Variants in GDPD3 observed in about 807,000 individuals in gnomAD.
GDPD3 encodes lysophospholipase D GDPD3.
Under a neutral mutation model 43.7 loss-of-function variants are expected in GDPD3, and 40 were observed. That is an observed-to-expected ratio of 0.91 (90% CI 0.71 to 1.19). The LOEUF is 1.19. Ranked by LOEUF, GDPD3 falls within the 50% of genes most tolerant of loss-of-function variation. The pLI is 0.00. For missense variants in GDPD3, 363 were observed against 415.8 expected, an observed-to-expected ratio of 0.87 and a Z score of 1.11; for synonymous variants, 145 against 162.9, an observed-to-expected ratio of 0.89 and a Z score of 0.84.
In GDPD3 at chr16:30,104,872, T is replaced by G. The variant is rs745914062; in HGVS notation, c.957A>C (p.Ter319TyrextTer?). 4.3e-6 allele frequency: 7 copies of G among 1,612,314 alleles called. No individual in the cohort carries two copies. The highest frequency in any genetic ancestry group is 5.9e-6 in the Non-Finnish European group (7 of 1,179,954). ...DNHGPAARTS[*>Y] is the part of the protein sequence containing the mutation. ...ACAGGAGACCTCGAGGCTTCTGGAC[T>G]TAGGAGGTCCGGGCAGCTGGTCCAT... Residue 319 changes from the stop codon to tyrosine (Y), a stop_lost, in exon 10 of 10, where the codon TAA becomes TAC. Transcript: ENST00000406256.
At chr16:30,109,209 G>A (rs570840030) in intron 7 of GDPD3, among the ~76,000 whole-genome samples, 6 of 152,248 alleles carry the variant, frequency 3.9e-5, no homozygotes, top group Middle Eastern at 3.4e-3. Context: ...CAATCCTCCC[G>A]CTTCAGCCTC....
At chr16:30,107,192 G>A (rs558121372) in intron 9 of GDPD3, among the ~76,000 whole-genome samples, 10 of 152,188 alleles carry the variant, frequency 6.6e-5, no homozygotes, top group South Asian at 2.1e-4. Flanking sequence ...CTGCACCCTC[G>A]AAACCCCGTG....
rs2072921257 is a variant in GDPD3, at chr16:30,113,444, AG to A, written c.34del (p.Leu12TrpfsTer65). ...GATGGAGAGCATGGCATAGCTGCCC[AG>A]GGCAGGGAGGGCATAGTACAGCAAA... ...SLLLYYALPA[L>X]GSYAMLSIFF... On this transcript the variant is annotated frameshift_variant, in exon 1 of 10. Transcript: ENST00000406256. LOFTEE classifies it high-confidence loss of function. The surrounding 1 kb of genome is among the most constrained non-coding windows in gnomAD (Gnocchi z 5.9). 6.2e-7 allele frequency: 1 copy of A among 1,607,208 alleles called. No individual in the cohort carries two copies. The highest frequency in any genetic ancestry group is 1.7e-5 in the Admixed American group (1 of 59,198).
rs2072911696 is a variant in GDPD3, at chr16:30,112,652, G to A, written c.318+6C>T. 1 of 1,614,144 alleles carries A rather than the reference G, an allele frequency of 6.2e-7. No individual in the cohort carries two copies. The highest frequency in any genetic ancestry group is 1.3e-5 in the African/African-American group (1 of 75,034). Reference sequence around the variant, plus strand: ...GTGGGGGTTGGGGTGTCAGGGCAGGGCCCACCTCGAAGTCCAGGCTGCCCA... The same window carrying A: ...GTGGGGGTTGGGGTGTCAGGGCAGGACCCACCTCGAAGTCCAGGCTGCCCA... On this transcript the variant is annotated splice_donor_region_variant and intron_variant, in intron 3 of 9. Coordinates refer to ENST00000406256, the MANE Select transcript of GDPD3 (RefSeq NM_024307.3). The surrounding 1 kb of genome is among the most constrained non-coding windows in gnomAD (Gnocchi z 5.4).
rs771936294 is a variant in GDPD3 at position 30,111,539 on chromosome 16, G to A, written c.574-18C>T. ...TCGGGGTTCTGGGGAGGCAAGGAGA[G>A]GCATGAGAATCTGTCTGCTCTGGGG... On this transcript the variant is annotated intron_variant, in intron 6 of 9. Transcript: ENST00000406256. 5 of 1,613,178 alleles carry A rather than the reference G, an allele frequency of 3.1e-6. No individual in the cohort carries two copies. In the East Asian group the frequency reaches 6.7e-5, roughly 22 times the overall value.
At position 30,112,308 on chromosome 16, in the gene GDPD3, C is replaced by G; in HGVS notation, c.481G>C (p.Glu161Gln). 6.2e-7 allele frequency: 1 copy of G among 1,614,130 alleles called. No homozygotes were observed. Among genetic ancestry groups the G allele is most frequent in the Non-Finnish European group, 8.5e-7 (1 of 1,179,954 alleles). Residue 161 changes from glutamate (E) to glutamine (Q), a missense_variant and splice_region_variant, in exon 5 of 10, where the codon GAG becomes CAG. Physicochemically the swap from Glu to Gln is conservative, Grantham distance 29. Coordinates refer to ENST00000406256, the MANE Select transcript of GDPD3 (RefSeq NM_024307.3). The surrounding 1 kb of genome is among the most constrained non-coding windows in gnomAD (Gnocchi z 5.4). ...CCTAGCCCTGCCTGCAGCACCACCT[C>G]ACGGATGAGCTCTTCGTTCTTCCCT... ...IKGKNEELIR[E>Q]IAGLVRRYDR...
At chr16:30,105,707 G>A (rs999582652) in intron 9 of GDPD3, among the ~76,000 whole-genome samples, 2 of 149,868 alleles carry the variant, frequency 1.3e-5, no homozygotes, top group African/African-American at 4.9e-5. Context: ...GTTTCACCAT[G>A]TTAGCCAGGA....
chr16:30,112,613 T>C lies in GDPD3; in HGVS notation c.318+45A>G, dbSNP rs1401708855. 2 of 1,613,822 alleles carry C rather than the reference T, an allele frequency of 1.2e-6. No individual in the cohort carries two copies. Among genetic ancestry groups the C allele is most frequent in the Admixed American group, 3.3e-5 (2 of 59,996 alleles). The stretch of plus-strand genomic sequence containing the variant: ...TGTCACTAGAGGCCCGCATTGGGCA[T>C]GGTGACTCTCAGGGTGGGGGTTGGG... On this transcript the variant is annotated intron_variant, in intron 3 of 9. Transcript: ENST00000406256. The surrounding 1 kb of genome is among the most constrained non-coding windows in gnomAD (Gnocchi z 5.4).
chr16:30,108,987 A>G (rs56369689), intron 7 of GDPD3, among the ~76,000 whole-genome samples: 58,567 of 151,540 alleles, frequency 0.39, 11,921 homozygotes, highest in East Asian at 0.66. Context: ...GCCCGCCACC[A>G]CGCCTGCTAA....
chr16:30,109,045 T>C lies in GDPD3; in HGVS notation c.708-613A>G, dbSNP rs375929645. 3.3e-5 allele frequency among the ~76,000 whole-genome samples: 5 copies of C among 152,202 alleles called. No homozygotes were observed. The East Asian group carries it at 7.8e-4, about 24-fold the overall frequency. On this transcript the variant is annotated intron_variant, in intron 7 of 9. Coordinates refer to ENST00000406256, the MANE Select transcript of GDPD3 (RefSeq NM_024307.3). Reference sequence around the variant, plus strand: ...CAGGGTTTCACCCTGTTAGCCAGGATGGTCTCGATCTCCTGACTTTGTGAT... The same window carrying C: ...CAGGGTTTCACCCTGTTAGCCAGGACGGTCTCGATCTCCTGACTTTGTGAT...
intron 9 of GDPD3, among the ~76,000 whole-genome samples, chr16:30,105,849 G>A (rs954444432): frequency 1.2e-4 from 18 of 149,058 alleles, no homozygotes; most frequent in African/African-American, 3.7e-4. Flanking sequence ...AGTGGCTCAC[G>A]CCTGTAATCC....
chr16:30,111,567 G>T, intron 6 of GDPD3, 46 bp from the exon 7 acceptor site: 1 of 1,605,820 alleles, frequency 6.2e-7, no homozygotes, highest in South Asian at 1.1e-5. Context: ...CTCTGGGGAA[G>T]CAGAGAGGAG....
intron 9 of GDPD3, among the ~76,000 whole-genome samples, chr16:30,107,273 A>T (rs1264476854): frequency 6.6e-6 from 1 of 151,760 alleles, no homozygotes; most frequent in Non-Finnish European, 1.5e-5. Context: ...CGCTTGGCTA[A>T]TTTTTAAATT....
At chr16:30,108,141 G>A (rs2072873069) in intron 9 of GDPD3, 72 bp downstream of exon 9, 2 of 1,355,532 alleles carry the variant, frequency 1.5e-6, no homozygotes, top group Non-Finnish European at 2.0e-6. Context: ...GATGCAGCTA[G>A]TTGGCAGCAG....
rs1306523983 is a variant in GDPD3, at chr16:30,112,653, C to T, written c.318+5G>A. On this transcript the variant is annotated splice_donor_5th_base_variant and intron_variant, in intron 3 of 9. Coordinates refer to ENST00000406256, the MANE Select transcript of GDPD3 (RefSeq NM_024307.3). The surrounding 1 kb of genome is among the most constrained non-coding windows in gnomAD (Gnocchi z 5.4). ...TGGGGGTTGGGGTGTCAGGGCAGGG[C>T]CCACCTCGAAGTCCAGGCTGCCCAC... 6.2e-7 allele frequency: 1 copy of T among 1,614,002 alleles called. No individual in the cohort carries two copies. The highest frequency in any genetic ancestry group is 8.5e-7 in the Non-Finnish European group (1 of 1,179,958).
At position 30,112,075 on chromosome 16, in the gene GDPD3, T is replaced by C; in HGVS notation, c.573+57A>G. ...CCCCATGCTGGGTGGGCTCCAGCTC[T>C]GGGGAGGAGGGGCCCCTGGAGGAGG... On this transcript the variant is annotated intron_variant, in intron 6 of 9. Coordinates refer to ENST00000406256, the MANE Select transcript of GDPD3 (RefSeq NM_024307.3). This position sits in a 1 kb window ranked among gnomAD's most constrained non-coding sequence, Gnocchi z 5.4. 7.1e-7 allele frequency: 1 copy of C among 1,402,510 alleles called. No individual in the cohort carries two copies. The highest frequency in any genetic ancestry group is 1.4e-5 in the African/African-American group (1 of 70,056). 86.9% of individuals were successfully genotyped at this position (1,402,510 alleles called of 1,614,324 possible).
intron 9 of GDPD3, 184 bp downstream of exon 9, chr16:30,108,029 T>G (rs539679058): frequency 3.1e-5 from 16 of 515,856 alleles, no homozygotes; most frequent in South Asian, 7.5e-5. Flanking sequence ...AAGAAGAAAA[T>G]TGTGTGTGTT....
chr16:30,112,166 T>C lies in GDPD3; in HGVS notation c.539A>G (p.Glu180Gly), dbSNP rs2072904405. The change falls in exon 6 of 10, where the codon GAG becomes GGG. Residue 180 changes from glutamate (E) to glycine (G), a missense_variant. Glu to Gly is a moderately conservative substitution (Grantham distance 98). Coordinates refer to ENST00000406256, the MANE Select transcript of GDPD3 (RefSeq NM_024307.3). The surrounding 1 kb of genome is among the most constrained non-coding windows in gnomAD (Gnocchi z 5.4). ...GCATTTCTTCATGACCGAGCTCTTC[T>C]CCGAGGCCCAGATGGTGATTTCATT... ...DRNEITIWAS[E>G]KSSVMKKCKA... The C allele has an allele frequency of 6.2e-7, 1 of 1,614,010 alleles. No homozygotes were observed. The highest frequency in any genetic ancestry group is 8.5e-7 in the Non-Finnish European group (1 of 1,179,988).
chr16:30,112,944 A>T lies in GDPD3; in HGVS notation c.182+78T>A. On this transcript the variant is annotated intron_variant, in intron 2 of 9. Transcript: ENST00000406256. The surrounding 1 kb of genome is among the most constrained non-coding windows in gnomAD (Gnocchi z 5.4). ...CGCCAGTCACCCAGCTAGGAAGTGA[A>T]TGGCGTCCCTTGCTGTGATGCAGTC... The T allele has an allele frequency of 1.3e-6, 2 of 1,510,928 alleles. No individual in the cohort carries two copies. The highest frequency in any genetic ancestry group is 1.8e-6 in the Non-Finnish European group (2 of 1,090,434). The allele number at this position is 1,510,928 out of a possible 1,614,324, so 93.6% of individuals were successfully genotyped here.
Sources: gnomAD v4.1 joint callset for allele counts (sites outside exome capture counted in the v4.1 genomes callset) on GRCh38, gnomAD v4.1.1 for gene constraint, Gnocchi (gnomAD v3.1) non-coding constraint, MANE v1.5 for transcripts, NCBI Gene and HGNC (gene_info 2026-07-23, HGNC 2026-07-21) for gene names.